Variants in AHNAK2 observed in about 807,000 individuals in gnomAD.
AHNAK2 encodes AHNAK nucleoprotein 2, also known as protein AHNAK2.
In AHNAK2, 18 loss-of-function variants were observed where a neutral mutation model predicts 30.7. That is an observed-to-expected ratio of 0.59 (90% confidence interval 0.41 to 0.87). AHNAK2 has a LOEUF of 0.87. Ranked by LOEUF, AHNAK2 falls within the 40% of genes least tolerant of loss-of-function variation. The pLI, the probability that AHNAK2 is intolerant of heterozygous loss-of-function variation, is 0.00. For synonymous variants in AHNAK2, 3,590 were observed against 3,073.8 expected (o/e 1.17, Z -5.56); for missense variants, 8,604 against 7,373.0 (o/e 1.17, Z -6.11).
intron 1 of AHNAK2, among the ~76,000 whole-genome samples, chr14:104,971,235 C>T (rs990060550): frequency 1.3e-5 from 2 of 152,168 alleles, no homozygotes; most frequent in African/African-American, 2.4e-5. Flanking sequence ...CCGTGTCAGC[C>T]TCTCAAGTGG....
rs1486258538 is a variant in AHNAK2, at chr14:104,941,651, G to T, written c.13800C>A (p.Ala4600=). 1.2e-6 allele frequency: 2 copies of T among 1,613,574 alleles called. No homozygotes were observed. The highest frequency in any genetic ancestry group is 1.1e-5 in the South Asian group (1 of 91,086). The stretch of plus-strand genomic sequence containing the variant: ...GCGCACCATCCAGCATGGATCCTGG[G>T]GCCTGGACATCCGTCTCCACGCTGG... ...SLPSVETDVQ[A]PGSMLDGARL... The change falls in exon 7 of 7, where the codon GCC becomes GCA. Residue 4600 remains alanine, a synonymous_variant. Coordinates refer to ENST00000333244, the MANE Select transcript of AHNAK2 (RefSeq NM_138420.4).
At position 104,948,135 on chromosome 14, in the gene AHNAK2, G is replaced by T; in HGVS notation, c.7316C>A (p.Ala2439Asp). 6.2e-7 allele frequency: 1 copy of T among 1,612,234 alleles called. No individual in the cohort carries two copies. Among genetic ancestry groups the T allele is most frequent in the South Asian group, 1.1e-5 (1 of 91,034 alleles). Residue 2439 changes from alanine (A) to aspartate (D), a missense_variant, in exon 7 of 7, where the codon GCC becomes GAC. Physicochemically the swap from Ala to Asp is moderately radical, Grantham distance 126. Transcript: ENST00000333244. ...GGGCTGAGACACCTCCACGTCGGGGGCCATCACGTCCGTCTTGGGGCCTTT... is the reference window on the plus strand; with the variant it reads ...GGGCTGAGACACCTCCACGTCGGGGTCCATCACGTCCGTCTTGGGGCCTTT... Reference protein sequence around the residue: ...DLKGPKTDVMAPDVEVSQPSV... With the variant: ...DLKGPKTDVMDPDVEVSQPSV...
intron 1 of AHNAK2, among the ~76,000 whole-genome samples, chr14:104,973,149 C>A (rs1249705428): frequency 6.6e-6 from 1 of 152,214 alleles, no homozygotes; most frequent in Non-Finnish European, 1.5e-5. Context: ...GGAGGGACGG[C>A]AAGCAGGGGC....
At position 104,948,968 on chromosome 14, in the gene AHNAK2, C is replaced by T. The variant is rs74090124; in HGVS notation, c.6483G>A (p.Pro2161=). The change falls in exon 7 of 7, where the codon CCG becomes CCA. Residue 2161 remains proline, a synonymous_variant. Coordinates refer to ENST00000333244, the MANE Select transcript of AHNAK2 (RefSeq NM_138420.4). ...TGCCTGGGGCAGACACCCCAAACGA[C>T]GGCATCTTGAACTTGGGCATTTTGA... The part of the protein sequence containing the change: ...SKFKMPKFKM[P]SFGVSAPGKS... 4.5e-3 allele frequency: 5,545 copies of T among 1,245,240 alleles called. 1,174 individuals carry two copies. Among genetic ancestry groups the T allele is most frequent in the South Asian group, 0.028 (2,011 of 72,196 alleles). The allele number at this position is 1,245,240 out of a possible 1,614,324, so 77.1% of individuals were successfully genotyped here.
In AHNAK2 at chr14:104,954,201, G is replaced by T; in HGVS notation, c.1250C>A (p.Ala417Asp). ...CTCCAGGGTCTTTCCATGGAGCCTGGCTGCCCTGAGTCCCCCTTCCTGAGG... is the reference window on the plus strand; with the variant it reads ...CTCCAGGGTCTTTCCATGGAGCCTGTCTGCCCTGAGTCCCCCTTCCTGAGG... ...GTPQEGGLRA[A>D]RLHGKTLEGQ... is the part of the protein sequence containing the mutation. Residue 417 changes from alanine to aspartate, a missense_variant, in exon 7 of 7, where the codon GCC becomes GAC. Ala to Asp is a moderately radical substitution (Grantham distance 126). Transcript: ENST00000333244. The surrounding 1 kb of genome is among the most constrained non-coding windows in gnomAD (Gnocchi z 4.3). 1 of 1,610,300 alleles carries T rather than the reference G, an allele frequency of 6.2e-7. No individual in the cohort carries two copies. Among genetic ancestry groups the T allele is most frequent in the Non-Finnish European group, 8.5e-7 (1 of 1,179,734 alleles).
intron 1 of AHNAK2, among the ~76,000 whole-genome samples, chr14:104,974,515 A>G (rs1566927907): frequency 6.6e-6 from 1 of 152,170 alleles, no homozygotes; most frequent in African/African-American, 2.4e-5. Context: ...CTTCTTTTTC[A>G]TGACCAGTCC....
intron 1 of AHNAK2, among the ~76,000 whole-genome samples, chr14:104,967,847 G>A (rs1251524011): frequency 2.0e-5 from 3 of 152,138 alleles, no homozygotes; most frequent in Non-Finnish European, 2.9e-5. Flanking sequence ...AGAGAGGAAG[G>A]CCCCCAGTAT....
At position 104,953,656 on chromosome 14, in the gene AHNAK2, T is replaced by C. The variant is rs760759239; in HGVS notation, c.1795A>G (p.Lys599Glu). 1 of 1,613,930 alleles carries C rather than the reference T, an allele frequency of 6.2e-7. No homozygotes were observed. The highest frequency in any genetic ancestry group is 8.5e-7 in the Non-Finnish European group (1 of 1,179,868). Residue 599 changes from lysine to glutamate, a missense_variant, in exon 7 of 7, where the codon AAG becomes GAG. Transcript: ENST00000333244. Reference protein sequence around the residue: ...SLGWSPSKHTKTGREKATEDT... With the variant: ...SLGWSPSKHTETGREKATEDT... ...TCTGTGGCTTTTTCTCTGCCTGTCTTTGTGTGCTTGCTTGGCGACCATCCT... is the reference window on the plus strand; with the variant it reads ...TCTGTGGCTTTTTCTCTGCCTGTCTCTGTGTGCTTGCTTGGCGACCATCCT...
rs1897884579 is a variant in AHNAK2, at chr14:104,938,690, T to C, written c.16761A>G (p.Gln5587=). The C allele has an allele frequency of 6.2e-7, 1 of 1,613,140 alleles. No individual in the cohort carries two copies. The highest frequency in any genetic ancestry group is 1.1e-5 in the South Asian group (1 of 90,848). The change falls in exon 7 of 7, where the codon CAA becomes CAG. Residue 5587 remains glutamine, a synonymous_variant. Transcript: ENST00000333244. The part of the protein sequence containing the change: ...ISSSVNVLGQ[Q]TLTFEVPSGH... ...CAGAAGGAACTTCAAATGTGAGTGT[T>C]TGCTGTCCCAGTACATTGACGCTGG...
At position 104,946,815 on chromosome 14, in the gene AHNAK2, A is replaced by C. The variant is rs373784027; in HGVS notation, c.8636T>G (p.Val2879Gly). Residue 2879 changes from valine to glycine, a missense_variant, in exon 7 of 7, where the codon GTG becomes GGG. Coordinates refer to ENST00000333244, the MANE Select transcript of AHNAK2 (RefSeq NM_138420.4). Reference sequence around the variant, plus strand: ...GGGAACGTGGCCCTCTGGGAGTTTCACGTCCACCTGGCCAGCCTGGACCTC... The same window carrying C: ...GGGAACGTGGCCCTCTGGGAGTTTCCCGTCCACCTGGCCAGCCTGGACCTC... ...QLEVQAGQVD[V>G]KLPEGHVPEG... is the part of the protein sequence containing the mutation. 5.8e-5 allele frequency: 93 copies of C among 1,612,086 alleles called. No individual in the cohort carries two copies. The highest frequency in any genetic ancestry group is 7.5e-5 in the Non-Finnish European group (89 of 1,179,506).
chr14:104,944,286 G>C lies in AHNAK2; in HGVS notation c.11165C>G (p.Pro3722Arg). 1.2e-6 allele frequency: 2 copies of C among 1,612,906 alleles called. No homozygotes were observed. Among genetic ancestry groups the C allele is most frequent in the East Asian group, 2.2e-5 (1 of 44,740 alleles). ...CTTCAAACTGGGCATCTCCACCTTG[G>C]GCAGGTGCTCTTTGAGGCCGGCTCC... is the stretch of plus-strand genomic sequence containing the variant. ...PEGAGLKEHLPKVEMPSLKMP... is the reference protein window; with the variant it reads ...PEGAGLKEHLRKVEMPSLKMP... Residue 3722 changes from proline (P) to arginine (R), a missense_variant, in exon 7 of 7, where the codon CCC (proline) becomes CGC (arginine). Pro to Arg is a moderately radical substitution (Grantham distance 103). Coordinates refer to ENST00000333244, the MANE Select transcript of AHNAK2 (RefSeq NM_138420.4).
Position 104,946,426 on chromosome 14 carries a change from C to G in AHNAK2, c.9025G>C (p.Glu3009Gln). The change falls in exon 7 of 7, where the codon GAG becomes CAG. Residue 3009 changes from glutamate to glutamine, a missense_variant. By Grantham distance (29) the Glu-to-Gln change is conservative. Transcript: ENST00000333244. Reference protein sequence around the residue: ...VSVDVSAPKVEAEVSLPSMQG... With the variant: ...VSVDVSAPKVQAEVSLPSMQG... The stretch of plus-strand genomic sequence containing the variant: ...ATGGAGGGGAGGCTCACTTCGGCCT[C>G]CACCTTCGGCGCAGACACATCCACC... 1.2e-6 allele frequency: 2 copies of G among 1,612,756 alleles called. No individual in the cohort carries two copies. Among genetic ancestry groups the G allele is most frequent in the South Asian group, 1.1e-5 (1 of 90,996 alleles).
chr14:104,939,013 G>A lies in AHNAK2; in HGVS notation c.16438C>T (p.His5480Tyr). 1 of 1,610,560 alleles carries A rather than the reference G, an allele frequency of 6.2e-7. No homozygotes were observed. Among genetic ancestry groups the A allele is most frequent in the Non-Finnish European group, 8.5e-7 (1 of 1,178,528 alleles). ...ACAAACTCTGGTGTCACTATGCTGT[G>A]TATAGTGACCTCTTGACTTTCAACC... ...AQVESQEVTI[H>Y]SIVTPEFVDL... The change falls in exon 7 of 7, where the codon CAC (histidine) becomes TAC (tyrosine). Residue 5480 changes from histidine (H) to tyrosine (Y), a missense_variant. His to Tyr is a moderately conservative substitution (Grantham distance 83, BLOSUM62 2). Transcript: ENST00000333244.
chr14:104,955,068 A>G lies in AHNAK2; in HGVS notation c.540T>C (p.Tyr180=). The change falls in exon 6 of 7, where the codon TAT becomes TAC. Residue 180 remains tyrosine (Y), a synonymous_variant. Transcript: ENST00000333244. The part of the protein sequence containing the change: ...KYEDALKILQ[Y]SEPYKVQFKI... ...TGAACTGAACCTTGTACGGCTCTGA[A>G]TATTGAAGGATTTTGAGAGCATCTT... 6 of 1,613,622 alleles carry G rather than the reference A, an allele frequency of 3.7e-6. No homozygotes were observed. The highest frequency in any genetic ancestry group is 5.1e-6 in the Non-Finnish European group (6 of 1,179,858).
chr14:104,961,304 G>C (rs370960305), intron 1 of AHNAK2, among the ~76,000 whole-genome samples: 2 of 151,688 alleles, frequency 1.3e-5, no homozygotes, highest in African/African-American at 2.4e-5. Context: ...CACGAGGTCA[G>C]GAGATCAAAA....
chr14:104,937,706 C>G lies in AHNAK2; in HGVS notation c.*357G>C, dbSNP rs1595386274. 1 of 224,374 alleles carries G rather than the reference C, an allele frequency of 4.5e-6. No individual in the cohort carries two copies. Among genetic ancestry groups the G allele is most frequent in the Non-Finnish European group, 8.7e-6 (1 of 115,040 alleles). 13.9% of individuals were successfully genotyped at this position (224,374 alleles called of 1,614,324 possible). A position where few individuals can be genotyped will look rare whatever the true frequency, so the allele number is the denominator to read the frequency against. On this transcript the variant is annotated 3_prime_UTR_variant, in exon 7 of 7. Transcript: ENST00000333244. Reference sequence around the variant, plus strand: ...ACCACAGACATTATAACCCTTTCCTCAAAGAAACAGTCATGTTCTGTTGGG... The same window carrying G: ...ACCACAGACATTATAACCCTTTCCTGAAAGAAACAGTCATGTTCTGTTGGG...
At chr14:104,959,614 C>A (rs1254723078) in intron 1 of AHNAK2, among the ~76,000 whole-genome samples, 2 of 151,906 alleles carry the variant, frequency 1.3e-5, no homozygotes, top group Non-Finnish European at 2.9e-5. Context: ...TCTAGTCAGG[C>A]AGAGCAAGAC....
Position 104,947,358 on chromosome 14 carries a change from A to G in AHNAK2, c.8093T>C (p.Ile2698Thr). 6.2e-7 allele frequency: 1 copy of G among 1,612,358 alleles called. No homozygotes were observed. Among genetic ancestry groups the G allele is most frequent in the East Asian group, 2.2e-5 (1 of 44,722 alleles). The change falls in exon 7 of 7, where the codon ATT becomes ACT. Residue 2698 changes from isoleucine to threonine, a missense_variant. Ile to Thr is a moderately conservative substitution (Grantham distance 89, BLOSUM62 -1). Coordinates refer to ENST00000333244, the MANE Select transcript of AHNAK2 (RefSeq NM_138420.4). Reference sequence around the variant, plus strand: ...CTCCAGTTGGGCAGAGGGGGGCTGAATGCTGATGTCAGTGGTCTTAAGGTC... The same window carrying G: ...CTCCAGTTGGGCAGAGGGGGGCTGAGTGCTGATGTCAGTGGTCTTAAGGTC... ...QGDLKTTDISIQPPSAQLEVQ... is the reference protein window; with the variant it reads ...QGDLKTTDISTQPPSAQLEVQ...
chr14:104,975,167 G>A (rs1899563100), intron 1 of AHNAK2, among the ~76,000 whole-genome samples: 5 of 152,200 alleles, frequency 3.3e-5, no homozygotes, highest in Admixed American at 3.3e-4. Context: ...GGATGGGAGT[G>A]GGCACTCAGC....
Sources: allele counts gnomAD v4.1 joint callset (sites outside exome capture counted in the v4.1 genomes callset), GRCh38; gene constraint gnomAD v4.1.1; non-coding constraint Gnocchi (gnomAD v3.1); transcripts MANE v1.5; gene names NCBI Gene and HGNC (gene_info 2026-07-23, HGNC 2026-07-21).